LONP2: variants seen among roughly 807,000 people sequenced by gnomAD.
The protein encoded by LONP2 is lon protease homolog 2, peroxisomal.
LONP2 carries 60 observed loss-of-function variants against 85.6 expected under a neutral mutation model. The ratio of observed to expected loss-of-function variants is 0.70; its 90% confidence interval spans 0.57 to 0.87. LONP2 has a LOEUF of 0.87. LONP2 is among the 40% of genes least tolerant of loss of function. LONP2 has a pLI of 0.00. For missense variants in LONP2, 860 were observed against 1,063.5 expected (o/e 0.81, Z 2.66); for synonymous variants, 395 against 389.7 (o/e 1.01, Z -0.16).
chr16:48,272,954 A>G (rs1972135557), intron 7 of LONP2, among the ~76,000 whole-genome samples: 1 of 152,168 alleles, frequency 6.6e-6, no homozygotes, highest in Non-Finnish European at 1.5e-5. Context: ...GGAGGAGAGA[A>G]AGAACAACCG....
intron 12 of LONP2, among the ~76,000 whole-genome samples, chr16:48,338,180 C>G (rs533455709): frequency 1.3e-5 from 2 of 152,180 alleles, no homozygotes; most frequent in East Asian, 3.9e-4. Flanking sequence ...GTGGTTTCTT[C>G]TAGAAAGAGT....
intron 7 of LONP2, among the ~76,000 whole-genome samples, chr16:48,274,407 GT>G (rs1424879184): frequency 6.6e-6 from 1 of 151,996 alleles, no homozygotes; most frequent in Non-Finnish European, 1.5e-5. Flanking sequence ...CTCTCTGGGT[GT>G]TTTGTGAATT....
intron 8 of LONP2, among the ~76,000 whole-genome samples, chr16:48,289,771 C>A (rs1327842000): frequency 6.6e-6 from 1 of 152,098 alleles, no homozygotes; most frequent in South Asian, 2.1e-4. Flanking sequence ...AATACAAATA[C>A]TAATATTTTC....
In LONP2 at chr16:48,271,727, T is replaced by C. The variant is rs568230086; in HGVS notation, c.1241+1453T>C. Among the ~76,000 whole-genome samples, 5 of 152,152 alleles carry C rather than the reference T, an allele frequency of 3.3e-5. No homozygotes were observed. The South Asian group carries it at 1.0e-3, about 32-fold the overall frequency. ...TGACACCCCATCTCTAAAAAAATAATAATAATAAATTTTAAAAAAGACTCA... is the reference window on the plus strand; with the variant it reads ...TGACACCCCATCTCTAAAAAAATAACAATAATAAATTTTAAAAAAGACTCA... On this transcript the variant is annotated intron_variant, in intron 7 of 14. Coordinates refer to ENST00000285737, the MANE Select transcript of LONP2 (RefSeq NM_031490.5).
intron 11 of LONP2, among the ~76,000 whole-genome samples, chr16:48,332,873 AC>A (rs1959502432): frequency 6.6e-6 from 1 of 152,146 alleles, no homozygotes; most frequent in Admixed American, 6.5e-5. Context: ...GCACCACTGC[AC>A]TGCAGCTTGG....
At chr16:48,273,541 A>G (rs1458284528) in intron 7 of LONP2, among the ~76,000 whole-genome samples, 1 of 152,086 alleles carries the variant, frequency 6.6e-6, no homozygotes, top group African/African-American at 2.4e-5. Flanking sequence ...AGTCTTTTCG[A>G]TATTTCTCAT....
At chr16:48,245,730 T>C (rs1047567684) in intron 1 of LONP2, among the ~76,000 whole-genome samples, 5 of 152,214 alleles carry the variant, frequency 3.3e-5, no homozygotes, top group African/African-American at 1.2e-4. Flanking sequence ...AGGTAATATT[T>C]TGAGTACTTG....
intron 7 of LONP2, among the ~76,000 whole-genome samples, chr16:48,270,497 G>C (rs1972081425): frequency 1.3e-5 from 2 of 152,142 alleles, no homozygotes. Context: ...ATACTACTCT[G>C]TGCCTCAACT....
intron 8 of LONP2, among the ~76,000 whole-genome samples, chr16:48,282,352 G>A (rs528627778): frequency 6.6e-6 from 1 of 150,668 alleles, no homozygotes; most frequent in East Asian, 2.0e-4. Flanking sequence ...CAGAGGTTGC[G>A]GTGAGCTGAG....
rs1420200054 is a variant in LONP2 at position 48,244,473 on chromosome 16, A to T, written c.85A>T (p.Met29Leu). ...GGGCGTCCTGCTGCCCGGCTCCACC[A>T]TGCGCACCAGCGTGGACTCGGCCCG... ...HEGVLLPGST[M>L]RTSVDSARNL... The change falls in exon 1 of 15, where the codon ATG becomes TTG. Residue 29 changes from methionine to leucine, a missense_variant. Physicochemically the swap from Met to Leu is conservative, Grantham distance 15. This residue lies in a region of LONP2 where 743 missense variants were observed against 917.3 expected (regional missense o/e 0.81). Coordinates refer to ENST00000285737, the MANE Select transcript of LONP2 (RefSeq NM_031490.5). 1.3e-6 allele frequency: 2 copies of T among 1,598,716 alleles called. No individual in the cohort carries two copies. The highest frequency in any genetic ancestry group is 1.7e-5 in the Admixed American group (1 of 58,580).
At chr16:48,258,855 G>T in intron 4 of LONP2, 115 bp downstream of exon 4, 3 of 962,078 alleles carry the variant, frequency 3.1e-6, no homozygotes, top group Admixed American at 3.5e-5. Context: ...ATAAAATTTA[G>T]GTGTTTCCCT....
At chr16:48,330,399 A>G (rs180909839) in intron 11 of LONP2, among the ~76,000 whole-genome samples, 14 of 152,288 alleles carry the variant, frequency 9.2e-5, no homozygotes, top group African/African-American at 3.1e-4. Context: ...GAATGTTGCA[A>G]TCTTGGGCAA....
intron 11 of LONP2, among the ~76,000 whole-genome samples, chr16:48,321,349 A>G (rs1236687745): frequency 1.3e-5 from 2 of 152,250 alleles, no homozygotes; most frequent in Non-Finnish European, 2.9e-5. Flanking sequence ...AATCTCTAAT[A>G]CAGGAAATGA....
At chr16:48,256,834 A>G (rs1384480136) in intron 3 of LONP2, 93 bp downstream of exon 3, 3 of 1,180,392 alleles carry the variant, frequency 2.5e-6, no homozygotes, top group Non-Finnish European at 3.6e-6. Context: ...CAAGAAAAAG[A>G]TATTGGAGAC....
chr16:48,323,934 A>G (rs1038856761), intron 11 of LONP2, among the ~76,000 whole-genome samples: 6 of 152,246 alleles, frequency 3.9e-5, no homozygotes, highest in African/African-American at 9.6e-5. Flanking sequence ...CATTGAAAAT[A>G]TGCAGACCCA....
Position 48,351,794 on chromosome 16 carries a change from A to G in LONP2, c.2551A>G (p.Lys851Glu), listed in dbSNP as rs755066569. 1.8e-5 allele frequency: 29 copies of G among 1,613,646 alleles called. No homozygotes were observed. The highest frequency in any genetic ancestry group is 2.5e-5 in the Non-Finnish European group (29 of 1,179,594). Residue 851 changes from lysine (K) to glutamate (E), a missense_variant, in exon 15 of 15, where the codon AAA (lysine) becomes GAA (glutamate). By Grantham distance (56) the Lys-to-Glu change is moderately conservative. This residue lies in a region of LONP2 where 115 missense variants were observed against 129.0 expected (regional missense o/e 0.89). Transcript: ENST00000285737. The stretch of plus-strand genomic sequence containing the variant: ...GACCAGACCTGGTCTGTTAAATAGC[A>G]AACTGTAGGTCCAAATCTCAATTTT... ...VKTRPGLLNS[K>E]L is the part of the protein sequence containing the mutation.
chr16:48,301,900 T>C (rs920954908), intron 10 of LONP2, among the ~76,000 whole-genome samples: 1 of 152,198 alleles, frequency 6.6e-6, no homozygotes, highest in African/African-American at 2.4e-5. Flanking sequence ...ACCATTCCTC[T>C]TGATGTAGTT....
At chr16:48,269,018 C>G (rs1972047982) in intron 6 of LONP2, among the ~76,000 whole-genome samples, 1 of 152,114 alleles carries the variant, frequency 6.6e-6, no homozygotes, top group Non-Finnish European at 1.5e-5. Flanking sequence ...TGGCAGCCAC[C>G]CAGCTAGTGA....
chr16:48,346,855 T>TA (rs1344034344), intron 12 of LONP2, among the ~76,000 whole-genome samples: 3 of 152,092 alleles, frequency 2.0e-5, no homozygotes, highest in African/African-American at 7.2e-5. Flanking sequence ...TATATATAAA[T>TA]ATGCAGCCCA....
Sources: allele counts gnomAD v4.1 joint callset (sites outside exome capture counted in the v4.1 genomes callset), GRCh38; gene constraint gnomAD v4.1.1; regional missense constraint gnomAD v4.1.1; transcripts MANE v1.5; gene names NCBI Gene and HGNC (gene_info 2026-07-23, HGNC 2026-07-21).